RAB4A: variants seen among roughly 807,000 people sequenced by gnomAD.
The protein encoded by RAB4A is RAB4A, member RAS oncogene family, also known as ras-related protein Rab-4A.
A neutral mutation model predicts 34.5 loss-of-function variants in RAB4A; 20 were observed. That is an observed-to-expected ratio of 0.58 (90% CI 0.41 to 0.84). RAB4A has a LOEUF of 0.84. Ranked by LOEUF, RAB4A falls within the 40% of genes least tolerant of loss-of-function variation. The pLI is 0.00. For synonymous variants in RAB4A, 102 were observed against 100.0 expected (o/e 1.02, Z -0.12); for missense variants, 228 against 274.5 (o/e 0.83, Z 1.20).
In RAB4A at chr1:229,293,183, C is replaced by T. The variant is rs556324081; in HGVS notation, c.228-2665C>T. On this transcript the variant is annotated intron_variant, in intron 3 of 7. Coordinates refer to ENST00000366690, the MANE Select transcript of RAB4A (RefSeq NM_004578.4). ...GGAGACGAGGTATGGGGATGGGCCACCTCCCAGCACCTCCATGCCACCACC... is the reference window on the plus strand; with the variant it reads ...GGAGACGAGGTATGGGGATGGGCCATCTCCCAGCACCTCCATGCCACCACC... 1.1e-4 allele frequency among the ~76,000 whole-genome samples: 16 copies of T among 152,344 alleles called. No individual in the cohort carries two copies. The South Asian group carries it at 3.3e-3, about 32-fold the overall frequency.
chr1:229,296,830 G>A (rs9435803), intron 4 of RAB4A, among the ~76,000 whole-genome samples: 59,571 of 152,078 alleles, frequency 0.39, 11,992 homozygotes, highest in Admixed American at 0.45. Flanking sequence ...GCCTGCTAAA[G>A]TGTGAAGTCA....
rs1272747203 is a variant in RAB4A at position 229,302,299 on chromosome 1, ATATATATATATTTT to A, written c.542-561_542-548del. Among the ~76,000 whole-genome samples the A allele has an allele frequency of 4.9e-3, 185 of 37,628 alleles. 6 individuals are homozygous for A. Among genetic ancestry groups the A allele is most frequent in the East Asian group, 0.017 (20 of 1,150 alleles). 24.7% of individuals were successfully genotyped at this position (37,628 alleles called of 152,430 possible). A position where few individuals can be genotyped will look rare whatever the true frequency, so the allele number is the denominator to read the frequency against. ...TATATATATATATATATATATATAT[ATATATATATATTTT>A]TTTTTTTTTTTTACATGTGCATGAG... On this transcript the variant is annotated intron_variant, in intron 6 of 7. Transcript: ENST00000366690.
At chr1:229,295,747 G>A in intron 3 of RAB4A, 101 bp from the exon 4 acceptor site, 1 of 1,045,904 alleles carries the variant, frequency 9.6e-7, no homozygotes, top group Non-Finnish European at 1.5e-6. Context: ...CTGTCCCTGT[G>A]TTGTGGTTTA....
intron 1 of RAB4A, among the ~76,000 whole-genome samples, 196 bp downstream of exon 1, chr1:229,271,566 T>G (rs983795307): frequency 2.0e-5 from 3 of 151,310 alleles, no homozygotes; most frequent in African/African-American, 7.3e-5. Flanking sequence ...GGGTAGCGGG[T>G]GCGCGGGGCG....
chr1:229,272,477 G>A (rs1239546127), intron 1 of RAB4A, among the ~76,000 whole-genome samples: 7 of 152,158 alleles, frequency 4.6e-5, no homozygotes, highest in Non-Finnish European at 1.0e-4. Context: ...TCTATTGAGG[G>A]AATGCAGTAT....
At chr1:229,300,706 T>C (rs927026303) in intron 6 of RAB4A, among the ~76,000 whole-genome samples, 12 of 152,016 alleles carry the variant, frequency 7.9e-5, no homozygotes, top group Non-Finnish European at 1.2e-4. Flanking sequence ...CGCTGAGACA[T>C]GAACATGGAG....
intron 4 of RAB4A, among the ~76,000 whole-genome samples, chr1:229,296,415 G>A (rs957579817): frequency 5.3e-5 from 8 of 152,184 alleles, no homozygotes; most frequent in Admixed American, 4.6e-4. Context: ...GAGGTTATTG[G>A]GAGGTTTAAA....
At chr1:229,295,805 G>A in intron 3 of RAB4A, 43 bp from the exon 4 acceptor site, 2 of 1,600,992 alleles carry the variant, frequency 1.2e-6, no homozygotes, top group Non-Finnish European at 1.7e-6. Flanking sequence ...ATACAGTAAA[G>A]GGTCTCAATT....
In RAB4A at chr1:229,305,236, T is replaced by G; in HGVS notation, c.*1443T>G. ...TATTTCAAAAAGTATCTGAAGCAAA[T>G]TCTCAGACTGAACTACTTCTTAGAC... On this transcript the variant is annotated 3_prime_UTR_variant, in exon 8 of 8. Transcript: ENST00000366690. 1 of 1,609,226 alleles carries G rather than the reference T, an allele frequency of 6.2e-7. No homozygotes were observed. The highest frequency in any genetic ancestry group is 8.5e-7 in the Non-Finnish European group (1 of 1,178,068).
intron 1 of RAB4A, among the ~76,000 whole-genome samples, chr1:229,281,589 T>C (rs1217153392): frequency 6.6e-6 from 1 of 152,066 alleles, no homozygotes; most frequent in Non-Finnish European, 1.5e-5. Flanking sequence ...CTTCCAATCT[T>C]TGTCATTTAA....
chr1:229,304,200 C>T lies in RAB4A; in HGVS notation c.*407C>T, dbSNP rs1657489843. On this transcript the variant is annotated 3_prime_UTR_variant, in exon 8 of 8. Coordinates refer to ENST00000366690, the MANE Select transcript of RAB4A (RefSeq NM_004578.4). ...CTAAAATTGTCAATTGTGAGGTGTGCTTTTCTCATCATGTTGGTTATATTG... is the reference window on the plus strand; with the variant it reads ...CTAAAATTGTCAATTGTGAGGTGTGTTTTTCTCATCATGTTGGTTATATTG... 6.6e-6 allele frequency: 1 copy of T among 151,916 alleles called. No homozygotes were observed. The highest frequency in any genetic ancestry group is 2.1e-4 in the South Asian group (1 of 4,826). The allele number at this position is 151,916 out of a possible 1,614,324, so 9.4% of individuals were successfully genotyped here.
chr1:229,299,072 G>A lies in RAB4A; in HGVS notation c.541G>A (p.Gly181Ser). Reference sequence around the variant, plus strand: ...AAAAATACTTAACAAAATCGAATCAGGTAAAAGCCTTTCCATTAAGCAACT... The same window carrying A: ...AAAAATACTTAACAAAATCGAATCAAGTAAAAGCCTTTCCATTAAGCAACT... ...ARKILNKIES[G>S]ELDPERMGSG... Residue 181 changes from glycine to serine, a missense_variant and splice_region_variant, in exon 6 of 8, where the codon GGT becomes AGT. Physicochemically the swap from Gly to Ser is moderately conservative, Grantham distance 56. Transcript: ENST00000366690. The A allele has an allele frequency of 6.3e-7, 1 of 1,594,634 alleles. No homozygotes were observed. The highest frequency in any genetic ancestry group is 8.5e-7 in the Non-Finnish European group (1 of 1,172,484).
chr1:229,291,716 C>G (rs977856657), intron 3 of RAB4A, among the ~76,000 whole-genome samples: 2 of 152,072 alleles, frequency 1.3e-5, no homozygotes, highest in African/African-American at 4.8e-5. Flanking sequence ...GAGAACTCAC[C>G]TCGCTTGTGG....
chr1:229,302,309 A>ATATAT (rs1657431515), intron 6 of RAB4A, among the ~76,000 whole-genome samples: 4 of 35,898 alleles, frequency 1.1e-4, no homozygotes, highest in Non-Finnish European at 1.6e-4. Context: ...ATATATATAT[A>ATATAT]TTTTTTTTTT....
At chr1:229,293,538 T>TA (rs1253885252) in intron 3 of RAB4A, among the ~76,000 whole-genome samples, 1 of 152,198 alleles carries the variant, frequency 6.6e-6, no homozygotes, top group Non-Finnish European at 1.5e-5. Flanking sequence ...CAAATATATA[T>TA]TTTTTAATTT....
intron 1 of RAB4A, among the ~76,000 whole-genome samples, chr1:229,280,511 C>T (rs1028434990): frequency 6.6e-6 from 1 of 152,170 alleles, no homozygotes; most frequent in Non-Finnish European, 1.5e-5. Flanking sequence ...AGTTTGGGGA[C>T]TGTGCATAGT....
intron 2 of RAB4A, among the ~76,000 whole-genome samples, chr1:229,288,162 G>C (rs1656974368): frequency 6.6e-6 from 1 of 152,050 alleles, no homozygotes; most frequent in Non-Finnish European, 1.5e-5. Flanking sequence ...GTTGGAGGGT[G>C]TTTTATTTTG....
chr1:229,275,566 G>C (rs1449849112), intron 1 of RAB4A, among the ~76,000 whole-genome samples: 1 of 150,814 alleles, frequency 6.6e-6, no homozygotes, highest in Non-Finnish European at 1.5e-5. Flanking sequence ...GACAAGGCAA[G>C]ATGAAGTGAA....
At chr1:229,302,841 G>T in intron 6 of RAB4A, 21 bp from the exon 7 acceptor site, 3 of 1,493,830 alleles carry the variant, frequency 2.0e-6, no homozygotes, top group South Asian at 1.2e-5. Context: ...TTTTTTAAAA[G>T]AAGACTTGCT....
Sources: allele counts gnomAD v4.1 joint callset (sites outside exome capture counted in the v4.1 genomes callset), GRCh38; gene constraint gnomAD v4.1.1; transcripts MANE v1.5; gene names NCBI Gene and HGNC (gene_info 2026-07-23, HGNC 2026-07-21).